The following AQP9 variants were observed in gnomAD, a reference collection of about 807,000 sequenced individuals.
AQP9 encodes aquaporin-9.
AQP9 carries 19 observed loss-of-function variants against 23.8 expected under a neutral mutation model. The ratio of observed to expected loss-of-function variants is 0.80; its 90% confidence interval spans 0.56 to 1.17. AQP9 has a LOEUF of 1.17. Among genes scored for constraint, AQP9 ranks in the 50% most tolerant of loss-of-function variants. AQP9 has a pLI of 0.00. For synonymous variants in AQP9, 153 were observed against 131.5 expected (o/e 1.16, Z -1.12); for missense variants, 413 against 362.0 (o/e 1.14, Z -1.14).
intron 1 of AQP9, among the ~76,000 whole-genome samples, chr15:58,139,539 A>G (rs534527056): frequency 6.6e-6 from 1 of 152,268 alleles, no homozygotes; most frequent in East Asian, 1.9e-4. Flanking sequence ...GGTTTTTTTT[A>G]TCCTGCTTAA....
chr15:58,149,416 C>T (rs1228608712), intron 1 of AQP9, among the ~76,000 whole-genome samples: 2 of 152,178 alleles, frequency 1.3e-5, no homozygotes, highest in African/African-American at 4.8e-5. Flanking sequence ...GCAGTCAAAC[C>T]TTGGCCCCAG....
chr15:58,157,964 G>C (rs900386076), intron 1 of AQP9, among the ~76,000 whole-genome samples: 1 of 152,044 alleles, frequency 6.6e-6, no homozygotes, highest in African/African-American at 2.4e-5. Context: ...TCTGAACTAG[G>C]GTGACCATAC....
At chr15:58,149,680 A>G (rs1435838862) in intron 1 of AQP9, among the ~76,000 whole-genome samples, 3 of 152,202 alleles carry the variant, frequency 2.0e-5, no homozygotes, top group Non-Finnish European at 4.4e-5. Context: ...AAACAGGTGG[A>G]GTAGGATGGA....
intron 1 of AQP9, among the ~76,000 whole-genome samples, chr15:58,154,735 A>G (rs1898215395): frequency 6.6e-6 from 1 of 152,064 alleles, no homozygotes; most frequent in South Asian, 2.1e-4. Flanking sequence ...TATTAACCCC[A>G]CGAAAGTCCC....
chr15:58,144,501 A>G (rs578006799), intron 1 of AQP9, among the ~76,000 whole-genome samples: 1 of 152,300 alleles, frequency 6.6e-6, no homozygotes, highest in East Asian at 1.9e-4. Context: ...TACCTCATAT[A>G]CCATTTTTTT....
intron 4 of AQP9, among the ~76,000 whole-genome samples, chr15:58,175,689 A>T (rs2140628904): frequency 6.6e-6 from 1 of 152,338 alleles, no homozygotes; most frequent in South Asian, 2.1e-4. Context: ...AAGGAAGGCT[A>T]TATTTTTCAG....
chr15:58,139,735 G>A (rs1301179959), intron 1 of AQP9, among the ~76,000 whole-genome samples: 1 of 152,128 alleles, frequency 6.6e-6, no homozygotes, highest in Admixed American at 6.5e-5. Flanking sequence ...TTGAACTAGT[G>A]GAATGTGAAG....
intron 1 of AQP9, among the ~76,000 whole-genome samples, chr15:58,142,529 A>T (rs1434599541): frequency 6.6e-6 from 1 of 152,214 alleles, no homozygotes; most frequent in African/African-American, 2.4e-5. Flanking sequence ...CCACCTACAA[A>T]CACATTCAAA....
intron 1 of AQP9, chr15:58,154,870 A>G (rs1243037857): frequency 6.6e-6 from 1 of 152,446 alleles, no homozygotes; most frequent in Non-Finnish European, 1.5e-5. Flanking sequence ...AATACTTAAT[A>G]ATAAATCATA....
intron 1 of AQP9, among the ~76,000 whole-genome samples, chr15:58,166,456 G>A (rs1370025886): frequency 6.6e-6 from 1 of 152,224 alleles, no homozygotes; most frequent in African/African-American, 2.4e-5. Flanking sequence ...TGAGCATTGT[G>A]CAGGTGCAGC....
intron 1 of AQP9, among the ~76,000 whole-genome samples, chr15:58,149,819 C>T (rs1438723804): frequency 6.6e-6 from 1 of 152,154 alleles, no homozygotes; most frequent in Non-Finnish European, 1.5e-5. Context: ...GCAGGGAAGC[C>T]TCTGGTAAGC....
At chr15:58,154,498 C>T (rs1488871572) in intron 1 of AQP9, 11 of 152,028 alleles carry the variant, frequency 7.2e-5, no homozygotes, top group African/African-American at 1.4e-4. Flanking sequence ...GAAGCTGCAC[C>T]GACAGAATCC....
intron 5 of AQP9, among the ~76,000 whole-genome samples, chr15:58,179,893 AG>A (rs1898844541): frequency 6.6e-6 from 1 of 152,240 alleles, no homozygotes; most frequent in Non-Finnish European, 1.5e-5. Context: ...AAAGTGCTGC[AG>A]GAACACAGAT....
intron 1 of AQP9, among the ~76,000 whole-genome samples, chr15:58,159,838 C>T (rs1168287323): frequency 6.6e-6 from 1 of 152,164 alleles, no homozygotes; most frequent in African/African-American, 2.4e-5. Context: ...GACAGGATTT[C>T]ATTCTTCTTT....
chr15:58,151,812 T>C (rs972115814), intron 1 of AQP9: 11 of 152,146 alleles, frequency 7.2e-5, no homozygotes, highest in African/African-American at 2.7e-4. Flanking sequence ...GAAGCCCCTA[T>C]TGCTGGCTCA....
At position 58,173,121 on chromosome 15, in the gene AQP9, A is replaced by G. The variant is rs1271031404; in HGVS notation, c.292A>G (p.Lys98Glu). ...SLAMCLFGRM[K>E]WFKLPFYVGA... ...AGCAATGTGTCTCTTTGGACGGATG[A>G]AATGGTTCAAATTGCCATTTTATGT... Residue 98 changes from lysine to glutamate, a missense_variant, in exon 3 of 6, where the codon AAA (lysine) becomes GAA (glutamate). Lys to Glu is a moderately conservative substitution (Grantham distance 56, BLOSUM62 1). Coordinates refer to ENST00000219919, the MANE Select transcript of AQP9 (RefSeq NM_020980.5). The G allele has an allele frequency of 6.2e-7, 1 of 1,614,002 alleles. No individual in the cohort carries two copies. Among genetic ancestry groups the G allele is most frequent in the Non-Finnish European group, 8.5e-7 (1 of 1,179,882 alleles).
chr15:58,177,470 G>C (rs1898784943), intron 4 of AQP9, among the ~76,000 whole-genome samples: 1 of 152,206 alleles, frequency 6.6e-6, no homozygotes, highest in South Asian at 2.1e-4. Context: ...CCAGAGAAGA[G>C]TGCTCTTGGG....
chr15:58,176,726 T>C (rs929795599), intron 4 of AQP9, among the ~76,000 whole-genome samples: 23 of 151,020 alleles, frequency 1.5e-4, no homozygotes, highest in African/African-American at 5.4e-4. Context: ...TTCTCCTGCC[T>C]CAGCCTTTGG....
chr15:58,176,095 T>C (rs1473816836), intron 4 of AQP9, among the ~76,000 whole-genome samples: 2 of 152,196 alleles, frequency 1.3e-5, no homozygotes, highest in East Asian at 3.8e-4. Context: ...GGGGATAATA[T>C]GAGCCTTCAT....
Sources: gnomAD v4.1 joint callset for allele counts (sites outside exome capture counted in the v4.1 genomes callset) on GRCh38, gnomAD v4.1.1 for gene constraint, MANE v1.5 for transcripts, NCBI Gene and HGNC (gene_info 2026-07-23, HGNC 2026-07-21) for gene names.